Variants in KCNT1 observed in about 807,000 individuals in gnomAD.
The protein encoded by KCNT1 is potassium channel subfamily T member 1.
A neutral mutation model predicts 147.8 loss-of-function variants in KCNT1; 78 were observed. That is an observed-to-expected ratio of 0.53 (90% CI 0.44 to 0.64). The LOEUF is 0.64. KCNT1 is among the 30% of genes least tolerant of loss of function. The pLI is 0.00. For synonymous variants in KCNT1, 867 were observed against 748.8 expected (o/e 1.16, Z -2.58); for missense variants, 1,419 against 1,750.3 (o/e 0.81, Z 3.38).
At chr9:135,717,919 G>A (rs1168698874) in intron 2 of KCNT1, among the ~76,000 whole-genome samples, 5 of 152,220 alleles carry the variant, frequency 3.3e-5, no homozygotes, top group African/African-American at 1.2e-4. Flanking sequence ...CCTCTCTCAT[G>A]ACCCCGATGC....
rs369529372 is a variant in KCNT1 at position 135,718,497 on chromosome 9, G to A, written c.254+3777G>A. ...GGACACGGCAGCACAGGCTCCACTC[G>A]GGCCCCTGAGGGACCATCGTGGTGG... On this transcript the variant is annotated intron_variant, in intron 2 of 30. Transcript: ENST00000371757. Among the ~76,000 whole-genome samples the A allele has an allele frequency of 5.1e-4, 77 of 152,320 alleles. No homozygotes were observed. In the South Asian group the frequency reaches 0.015, roughly 29 times the overall value.
At chr9:135,747,643 G>A (rs1830908817) in intron 2 of KCNT1, among the ~76,000 whole-genome samples, 1 of 152,280 alleles carries the variant, frequency 6.6e-6, no homozygotes. Flanking sequence ...GCACACAGAG[G>A]AGAGGCGTGG....
intron 6 of KCNT1, among the ~76,000 whole-genome samples, chr9:135,756,251 T>C (rs1018321295): frequency 2.0e-5 from 3 of 152,074 alleles, no homozygotes; most frequent in African/African-American, 7.2e-5. Flanking sequence ...CACACAATTT[T>C]CCCAGGGATC....
At chr9:135,788,483 G>C (rs1459897394) in intron 29 of KCNT1, among the ~76,000 whole-genome samples, 2 of 152,264 alleles carry the variant, frequency 1.3e-5, no homozygotes, top group African/African-American at 4.8e-5. Context: ...TGTTTACGAT[G>C]AGCTCTGATG....
chr9:135,710,835 G>A (rs1422188295), intron 1 of KCNT1, among the ~76,000 whole-genome samples: 3 of 152,284 alleles, frequency 2.0e-5, no homozygotes, highest in South Asian at 2.1e-4. Context: ...CCCTTTACCC[G>A]TGTGTTTGGA....
At chr9:135,770,721 C>G (rs1832693375) in intron 17 of KCNT1, 136 bp from the exon 18 acceptor site, 1 of 928,660 alleles carries the variant, frequency 1.1e-6, no homozygotes, top group Non-Finnish European at 1.6e-6. Flanking sequence ...CAGCCAAGGT[C>G]CCTGACCCCA....
chr9:135,787,383 G>A (rs1040703360), intron 29 of KCNT1, among the ~76,000 whole-genome samples: 6 of 152,060 alleles, frequency 3.9e-5, no homozygotes, highest in Non-Finnish European at 7.4e-5. Flanking sequence ...CCCCAGCACC[G>A]GGCCGCTACC....
chr9:135,794,390 A>ACAT lies in KCNT1; in HGVS notation c.*2232_*2234dup, dbSNP rs758345147. 10 of 152,462 alleles carry ACAT rather than the reference A, an allele frequency of 6.6e-5. No individual in the cohort carries two copies. The highest frequency in any genetic ancestry group is 1.9e-4 in the African/African-American group (8 of 41,568). The allele number at this position is 152,462 out of a possible 1,614,324, so 9.4% of individuals were successfully genotyped here. On this transcript the variant is annotated 3_prime_UTR_variant, in exon 31 of 31. Coordinates refer to ENST00000371757, the MANE Select transcript of KCNT1 (RefSeq NM_020822.3). ...GGGTGAGCACTTGGGGCCTCTGAGA[A>ACAT]CATCAGTGGTCCGTTCCCTCCTGCA...
chr9:135,787,582 C>T (rs1213117138), intron 29 of KCNT1, among the ~76,000 whole-genome samples: 5 of 152,284 alleles, frequency 3.3e-5, no homozygotes, highest in Admixed American at 1.3e-4. Flanking sequence ...ACGGCTGGCC[C>T]AGGAGCTGCT....
At position 135,792,994 on chromosome 9, in the gene KCNT1, G is replaced by GGA. The variant is rs1254048582; in HGVS notation, c.*841_*842dup. 2 of 152,232 alleles carry GGA rather than the reference G, an allele frequency of 1.3e-5. No individual in the cohort carries two copies. Among genetic ancestry groups the GGA allele is most frequent in the Non-Finnish European group, 2.9e-5 (2 of 68,062 alleles). 9.4% of individuals were successfully genotyped at this position (152,232 alleles called of 1,614,324 possible). ...ATTCAGCCTCCGGGCTGGGCCACGT[G>GGA]GAGAGAGAGGATCTTCTCAGCAAGG... On this transcript the variant is annotated 3_prime_UTR_variant, in exon 31 of 31. Transcript: ENST00000371757.
At chr9:135,784,502 C>G in intron 25 of KCNT1, 33 bp from the exon 26 acceptor site, 1 of 400,714 alleles carries the variant, frequency 2.5e-6, no homozygotes, top group Non-Finnish European at 4.6e-6. Context: ...TCCCTCCCTC[C>G]CTCCCTCCCT....
chr9:135,709,101 C>T (rs950248454), intron 1 of KCNT1, among the ~76,000 whole-genome samples: 9 of 152,228 alleles, frequency 5.9e-5, no homozygotes, highest in Non-Finnish European at 1.0e-4. Flanking sequence ...CACCCTGCCC[C>T]CAGCACTGTG....
chr9:135,732,020 A>AGAGAGAGAGAGAGAGAGAGAGAGAGAGG (rs1836491149), intron 2 of KCNT1, among the ~76,000 whole-genome samples: 5 of 126,312 alleles, frequency 4.0e-5, no homozygotes, highest in African/African-American at 1.2e-4. Flanking sequence ...AGAGAGAGAG[A>AGAGAGAGAGAGAGAGAGAGAGAGAGAGG]GAGAGAGAGA....
intron 2 of KCNT1, among the ~76,000 whole-genome samples, chr9:135,725,201 A>G (rs970194097): frequency 2.6e-5 from 4 of 151,906 alleles, no homozygotes; most frequent in Non-Finnish European, 4.4e-5. Context: ...GGGGGACCTC[A>G]GAAGGAGGGG....
intron 1 of KCNT1, among the ~76,000 whole-genome samples, chr9:135,713,748 T>A (rs1431183182): frequency 6.6e-6 from 1 of 152,144 alleles, no homozygotes. Context: ...CTGCTTCTCC[T>A]GGAGCAGCCA....
chr9:135,775,623 TCA>T (rs563395170), intron 20 of KCNT1, among the ~76,000 whole-genome samples: 12 of 152,374 alleles, frequency 7.9e-5, no homozygotes, highest in East Asian at 5.8e-4. Flanking sequence ...GCTCTCCCTC[TCA>T]CAGTGTCTAT....
At chr9:135,768,338 G>A (rs558421272) in intron 13 of KCNT1, 2 of 201,574 alleles carry the variant, frequency 9.9e-6, no homozygotes, top group South Asian at 1.5e-4. Flanking sequence ...ACACTGTGAT[G>A]TGGGTTGGGG....
chr9:135,744,916 G>T (rs1830743665), intron 2 of KCNT1, among the ~76,000 whole-genome samples: 1 of 152,340 alleles, frequency 6.6e-6, no homozygotes, highest in African/African-American at 2.4e-5. Flanking sequence ...GCGGTCCCTG[G>T]TGTGCCCCGT....
intron 17 of KCNT1, 58 bp downstream of exon 17, chr9:135,770,505 T>TCCCCACCCG (rs1271965168): frequency 9.1e-6 from 14 of 1,541,150 alleles, no homozygotes; most frequent in South Asian, 1.3e-5. Context: ...CTCTGTGCCC[T>TCCCCACCCG]CCCCACCCTC....
Sources: allele counts gnomAD v4.1 joint callset (sites outside exome capture counted in the v4.1 genomes callset), GRCh38; gene constraint gnomAD v4.1.1; transcripts MANE v1.5; gene names NCBI Gene and HGNC (gene_info 2026-07-23, HGNC 2026-07-21).